RNF17: variants seen among roughly 807,000 people sequenced by gnomAD.
RNF17 encodes the protein ring finger protein 17, also known as spermatogenesis associated 23.
In RNF17, 31 loss-of-function variants were observed where a neutral mutation model predicts 200.5. The observed-to-expected ratio is 0.15, with a 90% CI of 0.12 to 0.21. RNF17 has a LOEUF of 0.21. RNF17 is among the 10% of genes least tolerant of loss of function. RNF17 has a pLI of 1.00. For synonymous variants in RNF17, 606 were observed against 637.8 expected, an observed-to-expected ratio of 0.95 and a Z score of 0.75; for missense variants, 1,628 against 1,905.1, an observed-to-expected ratio of 0.85 and a Z score of 2.71.
chr13:24,830,161 C>T (rs183903833), intron 16 of RNF17, among the ~76,000 whole-genome samples: 8 of 152,200 alleles, frequency 5.3e-5, no homozygotes, highest in Non-Finnish European at 8.8e-5. Context: ...ATTTTAGTGA[C>T]GGAGCTAGTG....
the RNF17 span, among the ~76,000 whole-genome samples, chr13:24,748,097 C>G: frequency 6.6e-6 from 1 of 152,014 alleles, no homozygotes; most frequent in Non-Finnish European, 1.5e-5. Flanking sequence ...TTCTTTCCAG[C>G]CCGCGAACCA....
intron 35 of RNF17, 118 bp from the exon 36 acceptor site, chr13:24,879,619 A>AT (rs35808779): frequency 0.073 from 13,670 of 188,442 alleles, 743 homozygotes; most frequent in Non-Finnish European, 0.1. Context: ...CACCATCCTC[A>AT]TACCACGTAC....
chr13:24,787,906 T>TA, intron 6 of RNF17, 82 bp from the exon 7 acceptor site: 2 of 1,085,668 alleles, frequency 1.8e-6, no homozygotes, highest in Non-Finnish European at 2.6e-6. Flanking sequence ...CTACTGAACT[T>TA]ACTCTTCAAG....
upstream of RNF17, among the ~76,000 whole-genome samples, chr13:24,762,889 G>A (rs1005765758): frequency 1.3e-5 from 2 of 152,066 alleles, no homozygotes; most frequent in African/African-American, 4.8e-5. Context: ...GAGATTCTCC[G>A]AAATTCTTCC....
At chr13:24,820,114 C>CTTTTTTTTTTTTTTTTTT (rs1202440958) in intron 15 of RNF17, among the ~76,000 whole-genome samples, 1 of 109,526 alleles carries the variant, frequency 9.1e-6, no homozygotes. Flanking sequence ...TCTCTTTTTT[C>CTTTTTTTTTTTTTTTTTT]TTTTTTCTTT....
At chr13:24,809,177 A>C (rs1206399360) in intron 15 of RNF17, among the ~76,000 whole-genome samples, 1 of 148,936 alleles carries the variant, frequency 6.7e-6, no homozygotes, top group Non-Finnish European at 1.5e-5. Flanking sequence ...GTTAGGGAGG[A>C]TTCCCTCTTT....
chr13:24,864,840 T>C, intron 28 of RNF17, 33 bp from the exon 29 acceptor site: 2 of 1,452,266 alleles, frequency 1.4e-6, no homozygotes, highest in Non-Finnish European at 9.5e-7. Flanking sequence ...GTGGAGTTTA[T>C]TTTTATGATT....
chr13:24,778,430 G>A (rs776084708), intron 4 of RNF17, 24 bp downstream of exon 4: 2 of 1,444,348 alleles, frequency 1.4e-6, no homozygotes, highest in East Asian at 4.5e-5. Flanking sequence ...TGGTCATGAA[G>A]TACGATGAAG....
chr13:24,753,920 C>T, the RNF17 span, among the ~76,000 whole-genome samples: 3 of 151,908 alleles, frequency 2.0e-5, no homozygotes, highest in African/African-American at 7.3e-5. Context: ...TCTTTGGGAG[C>T]CCGAGGCAGG....
In RNF17 at chr13:24,876,985, C is replaced by A. The variant is rs1388602790; in HGVS notation, c.4584-12C>A. 5.1e-6 allele frequency: 8 copies of A among 1,567,414 alleles called. No homozygotes were observed. Among genetic ancestry groups the A allele is most frequent in the Non-Finnish European group, 6.9e-6 (8 of 1,161,238 alleles). On this transcript the variant is annotated splice_polypyrimidine_tract_variant and intron_variant, in intron 33 of 35. Coordinates refer to ENST00000255324, the MANE Select transcript of RNF17 (RefSeq NM_031277.3). ...GAAGAGAATTTTAATGTAAGAATTT[C>A]TTTTGTGACAGACTGTGCCAAATTC...
chr13:24,852,518 A>G (rs921006366), intron 24 of RNF17, among the ~76,000 whole-genome samples: 7 of 152,120 alleles, frequency 4.6e-5, no homozygotes, highest in African/African-American at 1.7e-4. Flanking sequence ...TGTACCATAT[A>G]TGGCCAGATC....
chr13:24,879,146 G>A (rs751093464), intron 34 of RNF17, 41 bp from the exon 35 acceptor site: 3 of 1,467,746 alleles, frequency 2.0e-6, no homozygotes, highest in South Asian at 1.1e-5. Flanking sequence ...AGGCAGCAAA[G>A]ACATTACTGT....
chr13:24,871,881 T>C (rs1894298868), intron 32 of RNF17, among the ~76,000 whole-genome samples: 1 of 151,752 alleles, frequency 6.6e-6, no homozygotes, highest in Admixed American at 6.6e-5. Context: ...TCCACCCGCC[T>C]TGGCCTCCTG....
chr13:24,768,028 C>T (rs189293357), intron 2 of RNF17, among the ~76,000 whole-genome samples: 36 of 151,998 alleles, frequency 2.4e-4, no homozygotes, highest in African/African-American at 8.4e-4. Context: ...ATTTTGAACT[C>T]CCCCCCTGCC....
chr13:24,763,439 G>C (rs934270897), upstream of RNF17, among the ~76,000 whole-genome samples: 2 of 143,626 alleles, frequency 1.4e-5, no homozygotes, highest in Non-Finnish European at 3.0e-5. Context: ...GGATGGTCTC[G>C]ATCTCCTGAC....
At position 24,855,011 on chromosome 13, in the gene RNF17, T is replaced by G. The variant is rs1265571076; in HGVS notation, c.3610+867T>G. Among the ~76,000 whole-genome samples the G allele has an allele frequency of 9.2e-5, 14 of 152,314 alleles. No individual in the cohort carries two copies. The South Asian group carries it at 2.5e-3, about 27-fold the overall frequency. ...TCTGAATTAGCTAATTATCATTTCC[T>G]GTGTGCGTCACTAAACAAATTTTTT... On this transcript the variant is annotated intron_variant, in intron 25 of 35. Transcript: ENST00000255324.
At chr13:24,773,305 C>A (rs998051404) in intron 2 of RNF17, among the ~76,000 whole-genome samples, 4 of 152,158 alleles carry the variant, frequency 2.6e-5, no homozygotes, top group Non-Finnish European at 5.9e-5. Context: ...TCAACCTATG[C>A]GTCCCATCAT....
chr13:24,866,285 T>C, intron 30 of RNF17, 82 bp downstream of exon 30: 1 of 731,394 alleles, frequency 1.4e-6, no homozygotes, highest in Non-Finnish European at 2.4e-6. Context: ...AAGCTCTCTT[T>C]TATAACAGTT....
upstream of RNF17, among the ~76,000 whole-genome samples, chr13:24,761,033 T>C (rs962429469): frequency 2.0e-5 from 3 of 152,150 alleles, no homozygotes; most frequent in African/African-American, 7.2e-5. Context: ...GGAATGTAAA[T>C]TAGTACAGCC....
Sources: gnomAD v4.1 joint callset for allele counts (sites outside exome capture counted in the v4.1 genomes callset) on GRCh38, gnomAD v4.1.1 for gene constraint, MANE v1.5 for transcripts, NCBI Gene and HGNC (gene_info 2026-07-23, HGNC 2026-07-21) for gene names.